RFLNA: variants seen among roughly 807,000 people sequenced by gnomAD.
RFLNA encodes the protein refilin-A.
In RFLNA, 5 loss-of-function variants were observed where a neutral mutation model predicts 7.8. That is an observed-to-expected ratio of 0.64 (90% CI 0.34 to 1.35). The LOEUF (loss-of-function observed/expected upper bound fraction) is 1.35. Ranked by LOEUF, RFLNA falls within the 40% of genes most tolerant of loss-of-function variation. The pLI, the probability that RFLNA is intolerant of heterozygous loss-of-function variation, is 0.04. For missense variants in RFLNA, 278 were observed against 305.5 expected (o/e 0.91, Z 0.67); for synonymous variants, 141 against 131.3 (o/e 1.07, Z -0.50).
rs118035047 is a variant in RFLNA, at chr12:124,307,664, C to T, written c.208-4154C>T. On this transcript the variant is annotated intron_variant, in intron 1 of 2. Coordinates refer to ENST00000546355, the MANE Select transcript of RFLNA (RefSeq NM_001365156.1). ...GTCTCAGCCAGCCCCGGTGCCTTCA[C>T]GGAGGGCTGGGCGGCGCAGGCCCCA... Among the ~76,000 whole-genome samples, 9 of 152,332 alleles carry T rather than the reference C, an allele frequency of 5.9e-5. No individual in the cohort carries two copies. The East Asian group carries it at 1.3e-3, about 23-fold the overall frequency.
At chr12:124,301,798 C>T (rs946276231) in intron 1 of RFLNA, among the ~76,000 whole-genome samples, 8 of 152,142 alleles carry the variant, frequency 5.3e-5, no homozygotes, top group Non-Finnish European at 1.5e-5. Flanking sequence ...CCTAGGTTGA[C>T]GGCCCCCACT....
chr12:124,310,733 CAGAG>C (rs2135692092), intron 1 of RFLNA, among the ~76,000 whole-genome samples: 1 of 152,188 alleles, frequency 6.6e-6, no homozygotes, highest in African/African-American at 2.4e-5. Context: ...TAAAACAGAC[CAGAG>C]AAAGAACTTC....
At chr12:124,291,604 C>T (rs1386183520), upstream of RFLNA, among the ~76,000 whole-genome samples, 2 of 152,174 alleles carry the variant, frequency 1.3e-5, no homozygotes, top group Non-Finnish European at 2.9e-5. Context: ...TTCAAGTGCA[C>T]GATGGTGCGT....
At chr12:124,298,156 A>G (rs2033964720) in intron 1 of RFLNA, among the ~76,000 whole-genome samples, 1 of 152,202 alleles carries the variant, frequency 6.6e-6, no homozygotes, top group Non-Finnish European at 1.5e-5. Context: ...AGTTGGTGGC[A>G]TATGCCTCAG....
At chr12:124,293,811 C>T (rs145715937), upstream of RFLNA, among the ~76,000 whole-genome samples, 35 of 152,314 alleles carry the variant, frequency 2.3e-4, no homozygotes, top group Middle Eastern at 6.8e-3. Context: ...GCAGGGCCTG[C>T]GCCCTGCTGT....
At chr12:124,300,765 T>TTGAC (rs1566322847) in intron 1 of RFLNA, among the ~76,000 whole-genome samples, 1 of 77,644 alleles carries the variant, frequency 1.3e-5, no homozygotes, top group East Asian at 3.2e-4. Context: ...GATGGATGGA[T>TTGAC]GGATGGATTG....
chr12:124,296,786 G>T (rs2033937148), intron 1 of RFLNA, among the ~76,000 whole-genome samples: 1 of 152,132 alleles, frequency 6.6e-6, no homozygotes, highest in Admixed American at 6.5e-5. Flanking sequence ...CACACTCACC[G>T]CCCAGATAGT....
At chr12:124,303,079 C>T (rs1269450446) in intron 1 of RFLNA, among the ~76,000 whole-genome samples, 1 of 152,170 alleles carries the variant, frequency 6.6e-6, no homozygotes, top group Non-Finnish European at 1.5e-5. Context: ...CAGCGAACTG[C>T]GCCATAGTAT....
At chr12:124,296,358 C>G (rs11057569) in intron 1 of RFLNA, among the ~76,000 whole-genome samples, 6,908 of 150,572 alleles carry the variant, frequency 0.046, 461 homozygotes, top group African/African-American at 0.14. Flanking sequence ...GGGGTGGACT[C>G]CGGTGGGGAC....
chr12:124,311,004 T>C (rs551862543), intron 1 of RFLNA, among the ~76,000 whole-genome samples: 7 of 152,314 alleles, frequency 4.6e-5, no homozygotes, highest in African/African-American at 1.4e-4. Context: ...ATTTGAACAA[T>C]GTTGGAAAGA....
At position 124,309,199 on chromosome 12, in the gene RFLNA, C is replaced by CT. The variant is rs1190870386; in HGVS notation, c.208-2618dup. Among the ~76,000 whole-genome samples the CT allele has an allele frequency of 3.9e-5, 6 of 152,222 alleles. No homozygotes were observed. The East Asian group carries it at 1.2e-3, about 29-fold the overall frequency. ...GTGGGCCCTGGGGCCACAGTGGACT[C>CT]TGCTTCCCCCCCACCGATCACATCC... is the stretch of plus-strand genomic sequence containing the variant. On this transcript the variant is annotated intron_variant, in intron 1 of 2. Coordinates refer to ENST00000546355, the MANE Select transcript of RFLNA (RefSeq NM_001365156.1).
chr12:124,314,588 T>C lies in RFLNA; in HGVS notation c.*63T>C, dbSNP rs748621846. 512 of 1,535,368 alleles carry C rather than the reference T, an allele frequency of 3.3e-4. 1 individual carries two copies. The highest frequency in any genetic ancestry group is 4.2e-4 in the Non-Finnish European group (481 of 1,146,254). ...GAGCCCTGGGGAGAAGCCGGGAGGA[T>C]GGACACGATGAGCTCGGCCTGGCAC... On this transcript the variant is annotated 3_prime_UTR_variant, in exon 3 of 3. Coordinates refer to ENST00000546355, the MANE Select transcript of RFLNA (RefSeq NM_001365156.1).
chr12:124,294,158 C>T (rs1021253323), upstream of RFLNA, among the ~76,000 whole-genome samples: 7 of 152,202 alleles, frequency 4.6e-5, no homozygotes, highest in South Asian at 4.1e-4. Context: ...GTCCAAAGAG[C>T]GGATTCTGAC....
In RFLNA at chr12:124,308,876, C is replaced by A. The variant is rs534455382; in HGVS notation, c.208-2942C>A. ...CACAGCCTGCGTCCCCCTAGGGTGG[C>A]CTGTGCAGGGTGCTTGCTGTGACAG... On this transcript the variant is annotated intron_variant, in intron 1 of 2. Transcript: ENST00000546355. Among the ~76,000 whole-genome samples the A allele has an allele frequency of 3.9e-5, 6 of 152,364 alleles. No individual in the cohort carries two copies. In the South Asian group the frequency reaches 1.2e-3, roughly 32 times the overall value.
In RFLNA at chr12:124,315,167, CGG is replaced by C. The variant is rs2034329953; in HGVS notation, c.*645_*646del. The C allele has an allele frequency of 5.9e-6, 1 of 169,472 alleles. No homozygotes were observed. The highest frequency in any genetic ancestry group is 1.6e-4 in the South Asian group (1 of 6,270). 10.5% of individuals were successfully genotyped at this position (169,472 alleles called of 1,614,324 possible). On this transcript the variant is annotated 3_prime_UTR_variant, in exon 3 of 3. Transcript: ENST00000546355. ...GCGCTGGAGGTGGTGATACTGGGGG[CGG>C]GGAAGGCCTAGAAATACTTTGAGCC...
upstream of RFLNA, among the ~76,000 whole-genome samples, chr12:124,293,479 C>T (rs373127587): frequency 5.9e-5 from 9 of 152,156 alleles, no homozygotes; most frequent in South Asian, 2.1e-4. Context: ...CTCCCCCCAC[C>T]GCTTTCGTCC....
At chr12:124,314,060 A>C in intron 2 of RFLNA, 132 bp from the exon 3 acceptor site, 1 of 1,207,936 alleles carries the variant, frequency 8.3e-7, no homozygotes, top group East Asian at 2.6e-5. Context: ...CTTGACCTTG[A>C]CATTTCAGAG....
intron 2 of RFLNA, among the ~76,000 whole-genome samples, chr12:124,312,797 ATGACGCAT>A (rs1463152398): frequency 6.2e-3 from 2 of 324 alleles, no homozygotes; most frequent in African/African-American, 0.01. Flanking sequence ...TCCCATGCAT[ATGACGCAT>A]ATGACATCTT....
Position 124,295,553 on chromosome 12 carries a change from T to A in RFLNA, c.124T>A (p.Ser42Thr), listed in dbSNP as rs955114208. The change falls in exon 1 of 3, where the codon TCC becomes ACC. Residue 42 changes from serine to threonine, a missense_variant. By Grantham distance (58) the Ser-to-Thr change is moderately conservative (BLOSUM62 1). Transcript: ENST00000546355. ...CCCCAGCCCCAGCCCGCCCTTCTAC[T>A]CCCTGGCGCCCGGCATCCTCGACGC... Reference protein sequence around the residue: ...PSPSPSPPFYSLAPGILDARA... With the variant: ...PSPSPSPPFYTLAPGILDARA... 40 of 662,432 alleles carry A rather than the reference T, an allele frequency of 6.0e-5. No individual in the cohort carries two copies. Among genetic ancestry groups the A allele is most frequent in the Non-Finnish European group, 7.0e-5 (38 of 539,104 alleles). The allele number at this position is 662,432 out of a possible 1,614,324, so 41.0% of individuals were successfully genotyped here. A position where few individuals can be genotyped will look rare whatever the true frequency, so the allele number is the denominator to read the frequency against.
Sources: allele counts gnomAD v4.1 joint callset (sites outside exome capture counted in the v4.1 genomes callset), GRCh38; gene constraint gnomAD v4.1.1; transcripts MANE v1.5; gene names NCBI Gene and HGNC (gene_info 2026-07-23, HGNC 2026-07-21).